LAMA2: variants seen among roughly 807,000 people sequenced by gnomAD.
LAMA2 encodes the protein laminin subunit alpha 2.
LAMA2 carries 269 observed loss-of-function variants against 364.8 expected under a neutral mutation model. The observed-to-expected ratio is 0.74, with a 90% CI of 0.67 to 0.82. The LOEUF (loss-of-function observed/expected upper bound fraction) is 0.82, where lower values mean the gene tolerates loss of function less well. LAMA2 is among the 40% of genes least tolerant of loss of function. The probability of loss-of-function intolerance (pLI) is 0.00; values close to 1 mark genes in which losing one functional copy is unlikely to be tolerated. For missense variants in LAMA2, 3,807 were observed against 3,873.2 expected (o/e 0.98, Z 0.45); for synonymous variants, 1,379 against 1,370.6 (o/e 1.01, Z -0.14).
At chr6:129,117,114 A>T (rs1776523766) in intron 4 of LAMA2, among the ~76,000 whole-genome samples, 2 of 152,188 alleles carry the variant, frequency 1.3e-5, no homozygotes, top group Admixed American at 6.6e-5. Flanking sequence ...AAAAAAGAAA[A>T]TGTTAAATTA....
At chr6:129,241,243 A>G (rs1241663436) in intron 12 of LAMA2, among the ~76,000 whole-genome samples, 2 of 152,220 alleles carry the variant, frequency 1.3e-5, no homozygotes, top group East Asian at 3.8e-4. Flanking sequence ...TCTACTATCT[A>G]TAAGATGCTT....
chr6:129,325,539 T>C (rs1471707410), intron 28 of LAMA2, among the ~76,000 whole-genome samples: 1 of 151,976 alleles, frequency 6.6e-6, no homozygotes, highest in African/African-American at 2.4e-5. Flanking sequence ...TTCTGTTTTT[T>C]TTTTTAAAAA....
At chr6:129,515,091 C>A (rs1036727096) in intron 64 of LAMA2, among the ~76,000 whole-genome samples, 80 of 152,150 alleles carry the variant, frequency 5.3e-4, no homozygotes, top group Non-Finnish European at 1.8e-4. Flanking sequence ...CATTCAGAAT[C>A]CTTCTCTAGC....
intron 42 of LAMA2, among the ~76,000 whole-genome samples, chr6:129,439,263 C>T (rs754683269): frequency 6.6e-6 from 1 of 151,910 alleles, no homozygotes; most frequent in Non-Finnish European, 1.5e-5. Flanking sequence ...AAAGTTTGTC[C>T]ATGTTCAGTA....
At chr6:129,430,979 G>A (rs933960491) in intron 41 of LAMA2, among the ~76,000 whole-genome samples, 3 of 151,952 alleles carry the variant, frequency 2.0e-5, no homozygotes, top group African/African-American at 7.3e-5. Context: ...AGAATATTAA[G>A]ATTTTAAAAT....
chr6:128,902,555 G>A (rs964673068), intron 1 of LAMA2, among the ~76,000 whole-genome samples: 3 of 152,164 alleles, frequency 2.0e-5, no homozygotes, highest in Admixed American at 2.0e-4. Context: ...AGTGACAAAA[G>A]TAATTGGACA....
intron 1 of LAMA2, among the ~76,000 whole-genome samples, chr6:128,923,317 G>A (rs1249346305): frequency 1.3e-5 from 2 of 151,024 alleles, no homozygotes; most frequent in African/African-American, 2.4e-5. Context: ...CCATTTTCAC[G>A]ATATTGATTC....
At chr6:129,210,396 G>C (rs1023991137) in intron 12 of LAMA2, among the ~76,000 whole-genome samples, 6 of 125,104 alleles carry the variant, frequency 4.8e-5, no homozygotes, top group Admixed American at 3.6e-4. Context: ...AACCACGCAT[G>C]TGCACGCACA....
At chr6:129,367,284 T>C (rs1039222797) in intron 33 of LAMA2, among the ~76,000 whole-genome samples, 2 of 152,242 alleles carry the variant, frequency 1.3e-5, no homozygotes, top group Non-Finnish European at 2.9e-5. Flanking sequence ...TAAGAAATTA[T>C]AGAATACCTC....
At chr6:129,109,461 T>C (rs73773677) in intron 4 of LAMA2, among the ~76,000 whole-genome samples, 13,412 of 152,120 alleles carry the variant, frequency 0.088, 703 homozygotes, top group East Asian at 0.15. Flanking sequence ...TATAATAATG[T>C]CACTACATTT....
At chr6:129,220,932 A>C (rs265347) in intron 12 of LAMA2, among the ~76,000 whole-genome samples, 139,941 of 152,190 alleles carry the variant, frequency 0.92, 64,853 homozygotes, top group Non-Finnish European at 0.97. Context: ...GAGGCCGAGG[A>C]GGGTGGATCA....
In LAMA2 at chr6:129,486,581, T is replaced by C. The variant is rs760441557; in HGVS notation, c.7857T>C (p.His2619=). The C allele has an allele frequency of 2.0e-5, 33 of 1,613,980 alleles. No individual in the cohort carries two copies. The highest frequency in any genetic ancestry group is 2.7e-5 in the Non-Finnish European group (32 of 1,179,872). Residue 2619 remains histidine (H), a synonymous_variant, in exon 56 of 65, where the codon CAT becomes CAC. Coordinates refer to ENST00000421865, the MANE Select transcript of LAMA2 (RefSeq NM_000426.4). The stretch of plus-strand genomic sequence containing the variant: ...TCAGACCAGAGCCGAATCTGTTTCA[T>C]GATGGAAGAGAACATTCCGTTCATG... The part of the protein sequence containing the change: ...IVIRPEPNLF[H]DGREHSVHVE...
Position 129,507,560 on chromosome 6 carries a change from C to A in LAMA2, c.8775C>A (p.Pro2925=). The change falls in exon 62 of 65, where the codon CCC becomes CCA. Residue 2925 remains proline (P), a synonymous_variant. Transcript: ENST00000421865. Reference sequence around the variant, plus strand: ...AGGCCCCTGCCGATCTGGAACAACCCACCTCCAGCTTCCATGTTGGGACAT... The same window carrying A: ...AGGCCCCTGCCGATCTGGAACAACCAACCTCCAGCTTCCATGTTGGGACAT... ...MAEAPADLEQ[P]TSSFHVGTCF... 1 of 1,614,164 alleles carries A rather than the reference C, an allele frequency of 6.2e-7. No individual in the cohort carries two copies. The highest frequency in any genetic ancestry group is 8.5e-7 in the Non-Finnish European group (1 of 1,179,972).
intron 1 of LAMA2, among the ~76,000 whole-genome samples, chr6:128,931,812 A>T (rs931752911): frequency 6.6e-6 from 1 of 152,230 alleles, no homozygotes; most frequent in African/African-American, 2.4e-5. Flanking sequence ...ATTTAAACAA[A>T]TAAAAATTAC....
chr6:129,473,168 T>C, intron 51 of LAMA2, 46 bp from the exon 52 acceptor site: 2 of 1,457,646 alleles, frequency 1.4e-6, no homozygotes. Flanking sequence ...ATAGATGTGG[T>C]TGATATTGCT....
At chr6:129,334,362 A>G (rs375335665) in intron 29 of LAMA2, among the ~76,000 whole-genome samples, 3 of 152,182 alleles carry the variant, frequency 2.0e-5, no homozygotes, top group African/African-American at 7.2e-5. Flanking sequence ...TATAATGAAA[A>G]CAATAATAGT....
At chr6:129,263,363 G>A (rs1274623955) in intron 15 of LAMA2, among the ~76,000 whole-genome samples, 2 of 152,110 alleles carry the variant, frequency 1.3e-5, no homozygotes, top group Non-Finnish European at 2.9e-5. Flanking sequence ...AATAAACAGG[G>A]TTCTATGATA....
intron 8 of LAMA2, chr6:129,158,169 T>G (rs964999425): frequency 1.9e-6 from 3 of 1,613,178 alleles, no homozygotes; most frequent in Non-Finnish European, 2.5e-6. Flanking sequence ...CAGGAAGTCA[T>G]AGAGAGATCC....
chr6:129,226,553 C>G (rs980131663), intron 12 of LAMA2, among the ~76,000 whole-genome samples: 1 of 151,826 alleles, frequency 6.6e-6, no homozygotes, highest in African/African-American at 2.4e-5. Flanking sequence ...TCAGCATTTG[C>G]TTGTCTGTAA....
Sources: gnomAD v4.1 joint callset for allele counts (sites outside exome capture counted in the v4.1 genomes callset) on GRCh38, gnomAD v4.1.1 for gene constraint, MANE v1.5 for transcripts, NCBI Gene and HGNC (gene_info 2026-07-23, HGNC 2026-07-21) for gene names.